Variants in KLB observed in about 807,000 individuals in gnomAD.
The protein encoded by KLB is klotho beta.
Under a neutral mutation model 88.4 loss-of-function variants are expected in KLB, and 44 were observed. The ratio of observed to expected loss-of-function variants is 0.50; its 90% CI spans 0.39 to 0.64. KLB has a LOEUF of 0.64. KLB is among the 30% of genes least tolerant of loss of function. The pLI is 0.00. For synonymous variants in KLB, 548 were observed against 513.4 expected, an observed-to-expected ratio of 1.07 and a Z score of -0.91; for missense variants, 1,137 against 1,304.8, an observed-to-expected ratio of 0.87 and a Z score of 1.98.
At chr4:39,438,688 T>C (rs1743532628) in intron 3 of KLB, among the ~76,000 whole-genome samples, 2 of 152,262 alleles carry the variant, frequency 1.3e-5, no homozygotes, top group Admixed American at 1.3e-4. Flanking sequence ...ATGCCTGCTA[T>C]ATACCTCACT....
intron 1 of KLB, among the ~76,000 whole-genome samples, chr4:39,421,759 A>G (rs2109826139): frequency 6.6e-6 from 1 of 152,154 alleles, no homozygotes; most frequent in Admixed American, 6.5e-5. Context: ...CGTCAAAAAA[A>G]AAAAAAAGAC....
intron 1 of KLB, among the ~76,000 whole-genome samples, chr4:39,433,157 G>A (rs897858113): frequency 5.9e-5 from 9 of 152,096 alleles, no homozygotes; most frequent in African/African-American, 2.2e-4. Context: ...TGGGATTATA[G>A]GCATGAGCCA....
rs1014052859 is a variant in KLB, at chr4:39,447,087, G to T, written c.2361G>T (p.Arg787Ser). The change falls in exon 4 of 5, where the codon AGG (arginine) becomes AGT (serine). Residue 787 changes from arginine (R) to serine (S), a missense_variant. Physicochemically the swap from Arg to Ser is moderately radical, Grantham distance 110. Transcript: ENST00000257408. ...FKTGDYPAAM[R>S]EYIASKHRRG... is the part of the protein sequence containing the mutation. The stretch of plus-strand genomic sequence containing the variant: ...CCGGGGACTACCCCGCGGCCATGAG[G>T]GAATACATTGCCTCCAAGCACCGAC... 1 of 1,613,204 alleles carries T rather than the reference G, an allele frequency of 6.2e-7. No homozygotes were observed. Among genetic ancestry groups the T allele is most frequent in the Non-Finnish European group, 8.5e-7 (1 of 1,179,982 alleles).
Position 39,424,290 on chromosome 4 carries a change from C to T in KLB, c.826-9920C>T, listed in dbSNP as rs187242504. ...TTTGCCATGTTGGCCAGGCCGGTCT[C>T]GAACTCCTGGGCTCAAGTGATCCAC... On this transcript the variant is annotated intron_variant, in intron 1 of 4. Transcript: ENST00000257408. Among the ~76,000 whole-genome samples the T allele has an allele frequency of 3.3e-4, 50 of 151,894 alleles. 1 individual carries two copies. Among genetic ancestry groups the T allele is most frequent in the East Asian group, 1.4e-3 (7 of 5,172 alleles).
intron 2 of KLB, among the ~76,000 whole-genome samples, chr4:39,437,130 C>T (rs1247268942): frequency 1.3e-5 from 2 of 152,112 alleles, no homozygotes; most frequent in South Asian, 2.1e-4. Context: ...ATGAGGAAAC[C>T]GAGGCCAAGA....
At chr4:39,429,406 C>G (rs1156568601) in intron 1 of KLB, among the ~76,000 whole-genome samples, 1 of 152,172 alleles carries the variant, frequency 6.6e-6, no homozygotes, top group Non-Finnish European at 1.5e-5. Flanking sequence ...CTATCATCCA[C>G]AGAATTTATC....
chr4:39,424,353 G>A (rs1377983257), intron 1 of KLB, among the ~76,000 whole-genome samples: 1 of 151,804 alleles, frequency 6.6e-6, no homozygotes, highest in Non-Finnish European at 1.5e-5. Flanking sequence ...TTACAGACAT[G>A]AGCTACCACG....
At chr4:39,445,689 T>C (rs1216779617) in intron 3 of KLB, among the ~76,000 whole-genome samples, 1 of 150,420 alleles carries the variant, frequency 6.6e-6, no homozygotes, top group East Asian at 1.9e-4. Flanking sequence ...TTTTTGTTTT[T>C]TTTTTTTTTT....
chr4:39,414,331 A>G (rs1204363065), intron 1 of KLB, among the ~76,000 whole-genome samples: 1 of 151,986 alleles, frequency 6.6e-6, no homozygotes, highest in African/African-American at 2.4e-5. Context: ...GTGCTTTTAA[A>G]ATGTTAAAAG....
intron 1 of KLB, among the ~76,000 whole-genome samples, chr4:39,419,045 G>A (rs1161281020): frequency 6.6e-6 from 1 of 151,698 alleles, no homozygotes; most frequent in African/African-American, 2.4e-5. Flanking sequence ...TATGAAAACT[G>A]CTTGTGGAGA....
In KLB at chr4:39,449,304, AC is replaced by A. The variant is rs1743836164; in HGVS notation, c.*619del. 6.8e-6 allele frequency: 1 copy of A among 147,952 alleles called. No homozygotes were observed. The allele number at this position is 147,952 out of a possible 1,614,324, so 9.2% of individuals were successfully genotyped here. On this transcript the variant is annotated 3_prime_UTR_variant, in exon 5 of 5. Transcript: ENST00000257408. ...CCACTGCACTCCAGCCTAGGCGACA[AC>A]AGCAAGACTGTGTCCAAAAAAAAAA...
Position 39,425,001 on chromosome 4 carries a change from C to T in KLB, c.826-9209C>T, listed in dbSNP as rs1006184921. 4.1e-4 allele frequency among the ~76,000 whole-genome samples: 62 copies of T among 152,264 alleles called. 2 individuals carry two copies. Among genetic ancestry groups the T allele is most frequent in the Admixed American group, 4.6e-4 (7 of 15,288 alleles). On this transcript the variant is annotated intron_variant, in intron 1 of 4. Coordinates refer to ENST00000257408, the MANE Select transcript of KLB (RefSeq NM_175737.4). ...AAAGGCTTCAAGTCACCAACCCAGACCATTTTAGCTTCAGTTATACCATGA... is the reference window on the plus strand; with the variant it reads ...AAAGGCTTCAAGTCACCAACCCAGATCATTTTAGCTTCAGTTATACCATGA...
chr4:39,431,712 CATAA>C lies in KLB; in HGVS notation c.826-2496_826-2493del, dbSNP rs1028555733. Among the ~76,000 whole-genome samples the C allele has an allele frequency of 6.6e-5, 10 of 152,272 alleles. No homozygotes were observed. The South Asian group carries it at 1.7e-3, about 25-fold the overall frequency. On this transcript the variant is annotated intron_variant, in intron 1 of 4. Coordinates refer to ENST00000257408, the MANE Select transcript of KLB (RefSeq NM_175737.4). ...AATTTATTTAAATTGTTTTTTCTTG[CATAA>C]AGCAGGATGGCACGTTTCAGAATCC...
At chr4:39,419,062 A>G (rs1743023510) in intron 1 of KLB, among the ~76,000 whole-genome samples, 1 of 152,140 alleles carries the variant, frequency 6.6e-6, no homozygotes, top group Admixed American at 6.5e-5. Flanking sequence ...GAGAATTGCC[A>G]AAGAGAATTT....
intron 3 of KLB, chr4:39,441,705 C>T (rs1185713004): frequency 1.3e-5 from 2 of 152,024 alleles, no homozygotes; most frequent in Non-Finnish European, 2.9e-5. Context: ...TTGCTGGTTA[C>T]AACCAGTTAC....
Position 39,446,935 on chromosome 4 carries a change from G to C in KLB, c.2209G>C (p.Ala737Pro). The C allele has an allele frequency of 6.2e-7, 1 of 1,604,654 alleles. No individual in the cohort carries two copies. The highest frequency in any genetic ancestry group is 8.5e-7 in the Non-Finnish European group (1 of 1,178,862). ...DRQFRPSQRG[A>P]VSLSLHADWA... is the part of the protein sequence containing the mutation. ...GCAGTTCAGGCCCTCACAGCGCGGG[G>C]CCGTGTCGCTGTCGCTGCACGCGGA... is the stretch of plus-strand genomic sequence containing the variant. Residue 737 changes from alanine to proline, a missense_variant, in exon 4 of 5, where the codon GCC becomes CCC. Around this residue, in one of 4 missense-constraint regions of KLB, gnomAD observed 426 missense variants for 404.6 expected, o/e 1.05. Coordinates refer to ENST00000257408, the MANE Select transcript of KLB (RefSeq NM_175737.4). The surrounding 1 kb of genome is among the most constrained non-coding windows in gnomAD (Gnocchi z 6.4).
chr4:39,446,984 A>C lies in KLB; in HGVS notation c.2258A>C (p.Tyr753Ser), dbSNP rs758463904. The C allele has an allele frequency of 6.2e-7, 1 of 1,609,040 alleles. No homozygotes were observed. The change falls in exon 4 of 5, where the codon TAT (tyrosine) becomes TCT (serine). Residue 753 changes from tyrosine to serine, a missense_variant. Physicochemically the swap from Tyr to Ser is moderately radical, Grantham distance 144. Around this residue, in one of 4 missense-constraint regions of KLB, gnomAD observed 426 missense variants for 404.6 expected, o/e 1.05. Coordinates refer to ENST00000257408, the MANE Select transcript of KLB (RefSeq NM_175737.4). The surrounding 1 kb of genome is among the most constrained non-coding windows in gnomAD (Gnocchi z 6.4). ...HADWAEPANP[Y>S]ADSHWRAAER... ...GACTGGGCGGAACCCGCCAACCCCT[A>C]TGCTGACTCGCACTGGAGGGCGGCC...
chr4:39,410,657 T>G (rs1173548478), intron 1 of KLB, among the ~76,000 whole-genome samples: 1 of 152,214 alleles, frequency 6.6e-6, no homozygotes, highest in Non-Finnish European at 1.5e-5. Flanking sequence ...AATGAAGTAT[T>G]TCTTCCTTCT....
At chr4:39,426,516 T>C (rs1277448151) in intron 1 of KLB, among the ~76,000 whole-genome samples, 1 of 151,486 alleles carries the variant, frequency 6.6e-6, no homozygotes, top group Non-Finnish European at 1.5e-5. Flanking sequence ...TGTTAATATT[T>C]AAATTCTTTC....
Sources: gnomAD v4.1 joint callset for allele counts (sites outside exome capture counted in the v4.1 genomes callset) on GRCh38, gnomAD v4.1.1 for gene constraint, gnomAD v4.1.1 regional missense constraint, Gnocchi (gnomAD v3.1) non-coding constraint, MANE v1.5 for transcripts, NCBI Gene and HGNC (gene_info 2026-07-23, HGNC 2026-07-21) for gene names.